Variants in RAVER2 observed in about 807,000 individuals in gnomAD.
RAVER2 encodes the protein ribonucleoprotein, PTB binding 2.
Under a neutral mutation model 78.1 loss-of-function variants are expected in RAVER2, and 46 were observed. The ratio of observed to expected loss-of-function variants is 0.59; its 90% CI spans 0.46 to 0.75. The LOEUF is 0.75. Ranked by LOEUF, RAVER2 falls within the 30% of genes least tolerant of loss-of-function variation. RAVER2 has a pLI of 0.00. For synonymous variants in RAVER2, 311 were observed against 313.3 expected (o/e 0.99, Z 0.08); for missense variants, 793 against 837.5 (o/e 0.95, Z 0.66).
intron 1 of RAVER2, among the ~76,000 whole-genome samples, chr1:64,751,405 A>AT (rs1423565309): frequency 6.6e-6 from 1 of 152,198 alleles, no homozygotes; most frequent in Non-Finnish European, 1.5e-5. Flanking sequence ...GAAGAAGGGA[A>AT]TTTAAGGAAA....
At chr1:64,771,100 A>G (rs1570540354) in intron 2 of RAVER2, among the ~76,000 whole-genome samples, 1 of 152,170 alleles carries the variant, frequency 6.6e-6, no homozygotes, top group African/African-American at 2.4e-5. Context: ...GAGGAAAACT[A>G]CAGTGTACGT....
chr1:64,745,130 C>A lies in RAVER2; in HGVS notation c.-43C>A. 9.8e-7 allele frequency: 1 copy of A among 1,018,154 alleles called. No homozygotes were observed. The highest frequency in any genetic ancestry group is 1.2e-6 in the Non-Finnish European group (1 of 852,542). The allele number at this position is 1,018,154 out of a possible 1,614,324, so 63.1% of individuals were successfully genotyped here. On this transcript the variant is annotated 5_prime_UTR_variant, in exon 1 of 12. The change creates a new upstream start codon in the 5' untranslated region. Transcript: ENST00000294428. This position sits in a 1 kb window ranked among gnomAD's most constrained non-coding sequence, Gnocchi z 4.3. ...CTCCCGCTTTCTCTCTCCGCTTCCC[C>A]TGGAGCCTCCGAGGAGTCCGCAGCC...
rs1384478177 is a variant in RAVER2, at chr1:64,827,284, C to T, written c.1930-3555C>T. ...AGATGAGGGTGTACTGTTGGAGCTT[C>T]GAGAAAAGAGAAGGCTTGCAATAGT... On this transcript the variant is annotated intron_variant, in intron 11 of 11. Coordinates refer to ENST00000294428, the Ensembl canonical transcript of RAVER2. Among the ~76,000 whole-genome samples, 5 of 151,696 alleles carry T rather than the reference C, an allele frequency of 3.3e-5. No homozygotes were observed. In the East Asian group the frequency reaches 5.8e-4, roughly 18 times the overall value.
chr1:64,760,267 A>G (rs763965674), intron 1 of RAVER2, among the ~76,000 whole-genome samples: 6 of 152,168 alleles, frequency 3.9e-5, no homozygotes, highest in African/African-American at 1.2e-4. Context: ...GTGTTCAGCT[A>G]TATGTTCTCT....
At chr1:64,776,776 TAAAC>T (rs1162024411) in intron 2 of RAVER2, among the ~76,000 whole-genome samples, 1 of 152,174 alleles carries the variant, frequency 6.6e-6, no homozygotes, top group Non-Finnish European at 1.5e-5. Context: ...TTGCAAAAGG[TAAAC>T]AAATTGATAT....
chr1:64,812,546 A>G (rs1442602934), intron 9 of RAVER2, among the ~76,000 whole-genome samples, 192 bp from the exon 10 acceptor site: 1 of 152,136 alleles, frequency 6.6e-6, no homozygotes, highest in African/African-American at 2.4e-5. Flanking sequence ...CTAAAGTTCT[A>G]TGGCTCTACA....
intron 2 of RAVER2, 72 bp downstream of exon 2, chr1:64,768,794 A>C: frequency 1.0e-6 from 1 of 976,104 alleles, no homozygotes; most frequent in Non-Finnish European, 1.6e-6. Context: ...AAAAAAGCTC[A>C]GTGTCTTTTC....
At chr1:64,824,888 G>A (rs1428516166) in intron 11 of RAVER2, among the ~76,000 whole-genome samples, 1 of 130,430 alleles carries the variant, frequency 7.7e-6, no homozygotes, top group Admixed American at 9.1e-5. Context: ...CCGAGATCCC[G>A]CCATTGCACT....
At chr1:64,774,351 TG>T (rs1231623609) in intron 2 of RAVER2, among the ~76,000 whole-genome samples, 1 of 152,200 alleles carries the variant, frequency 6.6e-6, no homozygotes, top group Non-Finnish European at 1.5e-5. Flanking sequence ...AGTTAATTTT[TG>T]TATAAGGTGT....
At chr1:64,761,848 G>A (rs939746861) in intron 1 of RAVER2, among the ~76,000 whole-genome samples, 18 of 151,980 alleles carry the variant, frequency 1.2e-4, no homozygotes, top group African/African-American at 4.1e-4. Context: ...GGTGGTTTAC[G>A]CCTGTAATCC....
At chr1:64,819,322 G>A (rs1653827736) in intron 11 of RAVER2, among the ~76,000 whole-genome samples, 1 of 151,982 alleles carries the variant, frequency 6.6e-6, no homozygotes. Context: ...TAAAAATTTT[G>A]GAACTGAAAA....
intron 4 of RAVER2, among the ~76,000 whole-genome samples, chr1:64,783,083 G>C (rs1190560575): frequency 6.6e-6 from 1 of 152,166 alleles, no homozygotes; most frequent in Non-Finnish European, 1.5e-5. Context: ...TGGCTGCGTA[G>C]TATTCCATGG....
chr1:64,765,101 C>G (rs1652138562), intron 1 of RAVER2, among the ~76,000 whole-genome samples: 1 of 152,176 alleles, frequency 6.6e-6, no homozygotes, highest in South Asian at 2.1e-4. Flanking sequence ...CAACTTAAGT[C>G]TGATAACACC....
intron 5 of RAVER2, among the ~76,000 whole-genome samples, chr1:64,794,564 T>TA (rs1256635706): frequency 6.6e-6 from 1 of 152,174 alleles, no homozygotes; most frequent in Non-Finnish European, 1.5e-5. Context: ...AGTGCTCTCT[T>TA]ACTGTGGTTT....
At chr1:64,800,122 T>G (rs1032467054) in intron 5 of RAVER2, among the ~76,000 whole-genome samples, 1 of 145,642 alleles carries the variant, frequency 6.9e-6, no homozygotes, top group Non-Finnish European at 1.5e-5. Flanking sequence ...GGGTGTTTTT[T>G]TGTTTTTTGT....
chr1:64,758,367 G>T (rs1177174568), intron 1 of RAVER2, among the ~76,000 whole-genome samples: 3 of 152,090 alleles, frequency 2.0e-5, no homozygotes, highest in African/African-American at 7.2e-5. Context: ...TTACTAATCA[G>T]TTGATTTAGG....
intron 11 of RAVER2, among the ~76,000 whole-genome samples, chr1:64,824,336 C>T (rs12402976): frequency 1.3e-5 from 2 of 152,146 alleles, no homozygotes; most frequent in South Asian, 2.1e-4. Flanking sequence ...AAAATGAATG[C>T]TTGGTCCTTT....
At position 64,745,808 on chromosome 1, in the gene RAVER2, G is replaced by T. The variant is rs529754710; in HGVS notation, c.249+387G>T. On this transcript the variant is annotated intron_variant, in intron 1 of 11. Coordinates refer to ENST00000294428, the Ensembl canonical transcript of RAVER2. This position sits in a 1 kb window ranked among gnomAD's most constrained non-coding sequence, Gnocchi z 4.3. ...CGGGGGTAGAGGGGGCCGAAGCTTC[G>T]GGAGCACCTTGGCAGGGGCGAGGGC... Among the ~76,000 whole-genome samples, 1 of 152,168 alleles carries T rather than the reference G, an allele frequency of 6.6e-6. No individual in the cohort carries two copies. Among genetic ancestry groups the T allele is most frequent in the Non-Finnish European group, 1.5e-5 (1 of 68,010 alleles).
intron 11 of RAVER2, 128 bp from the exon 12 acceptor site, chr1:64,830,711 A>T (rs2100908687): frequency 2.5e-6 from 2 of 789,202 alleles, no homozygotes; most frequent in East Asian, 2.8e-5. Context: ...GTATTTTTTG[A>T]TAGTTTGGGT....
Sources: allele counts gnomAD v4.1 joint callset (sites outside exome capture counted in the v4.1 genomes callset), GRCh38; gene constraint gnomAD v4.1.1; non-coding constraint Gnocchi (gnomAD v3.1); transcripts MANE v1.5; gene names NCBI Gene and HGNC (gene_info 2026-07-23, HGNC 2026-07-21).